Variants in SPATA6 observed in about 807,000 individuals in gnomAD.
SPATA6 encodes spermatogenesis associated 6.
A neutral mutation model predicts 65.3 loss-of-function variants in SPATA6; 56 were observed. That is an observed-to-expected ratio of 0.86 (90% confidence interval 0.69 to 1.07). SPATA6 has a LOEUF of 1.07. Ranked by LOEUF, SPATA6 falls within the 50% of genes least tolerant of loss-of-function variation. SPATA6 has a pLI of 0.00. For missense variants in SPATA6, 590 were observed against 594.8 expected, an observed-to-expected ratio of 0.99 and a Z score of 0.08; for synonymous variants, 199 against 213.2, an observed-to-expected ratio of 0.93 and a Z score of 0.58.
At chr1:48,327,766 G>A (rs1011599222) in intron 11 of SPATA6, among the ~76,000 whole-genome samples, 3 of 152,064 alleles carry the variant, frequency 2.0e-5, no homozygotes, top group Non-Finnish European at 2.9e-5. Flanking sequence ...ATAAACAATA[G>A]GTGCACTGGA....
intron 4 of SPATA6, 77 bp downstream of exon 4, chr1:48,413,030 TATA>T: frequency 2.4e-6 from 1 of 417,310 alleles, no homozygotes; most frequent in Non-Finnish European, 3.7e-6. Context: ...AATAATATAG[TATA>T]ATCAATATAT....
downstream of SPATA6, among the ~76,000 whole-genome samples, chr1:48,293,154 A>AT (rs2148624545): frequency 6.6e-6 from 1 of 152,286 alleles, no homozygotes; most frequent in South Asian, 2.1e-4. Flanking sequence ...TATCTCAGCT[A>AT]TGCCAGTCTT....
chr1:48,411,759 CA>C (rs1446765939), intron 4 of SPATA6, among the ~76,000 whole-genome samples, 171 bp from the exon 5 acceptor site: 2 of 152,132 alleles, frequency 1.3e-5, no homozygotes, highest in Admixed American at 6.5e-5. Context: ...AAAATATTAA[CA>C]CATTTTCCTT....
intron 9 of SPATA6, among the ~76,000 whole-genome samples, chr1:48,381,797 T>C (rs1404053891): frequency 1.4e-5 from 2 of 147,794 alleles, no homozygotes; most frequent in East Asian, 3.9e-4. Flanking sequence ...GGTCAGCAGA[T>C]AAACAAGTGA....
chr1:48,321,138 A>G (rs1473926169), intron 11 of SPATA6, among the ~76,000 whole-genome samples: 1 of 152,178 alleles, frequency 6.6e-6, no homozygotes, highest in Non-Finnish European at 1.5e-5. Flanking sequence ...GGAAACAACA[A>G]AAATGGCAGA....
intron 1 of SPATA6, among the ~76,000 whole-genome samples, chr1:48,456,218 T>A (rs2148170236): frequency 6.6e-6 from 1 of 152,280 alleles, no homozygotes; most frequent in Non-Finnish European, 1.5e-5. Flanking sequence ...CTGAAAGACC[T>A]CTTGGTTCAA....
chr1:48,270,653 G>C, the SPATA6 span, among the ~76,000 whole-genome samples: 1 of 151,528 alleles, frequency 6.6e-6, no homozygotes, highest in Non-Finnish European at 1.5e-5. Context: ...ACAGATGGCA[G>C]TCCTTAATAA....
intron 3 of SPATA6, among the ~76,000 whole-genome samples, chr1:48,426,025 C>T (rs1299948704): frequency 1.3e-5 from 2 of 152,006 alleles, no homozygotes; most frequent in South Asian, 2.1e-4. Context: ...ACAAGAATCG[C>T]TAATGGATTA....
At chr1:48,291,548 G>A (rs2148623234), downstream of SPATA6, among the ~76,000 whole-genome samples, 1 of 151,866 alleles carries the variant, frequency 6.6e-6, no homozygotes, top group African/African-American at 2.4e-5. Flanking sequence ...CTCCCACACA[G>A]CCCGCAGACG....
the SPATA6 span, among the ~76,000 whole-genome samples, chr1:48,272,545 C>T: frequency 6.6e-6 from 1 of 151,996 alleles, no homozygotes; most frequent in African/African-American, 2.4e-5. Flanking sequence ...AATAGTATTC[C>T]TTTGTGTATA....
chr1:48,356,828 C>A (rs745475738), intron 10 of SPATA6, among the ~76,000 whole-genome samples: 1 of 151,944 alleles, frequency 6.6e-6, no homozygotes, highest in Non-Finnish European at 1.5e-5. Context: ...TATGTTTATA[C>A]AAAATATAAA....
At chr1:48,368,711 A>T (rs1016477453) in intron 9 of SPATA6, among the ~76,000 whole-genome samples, 4 of 152,064 alleles carry the variant, frequency 2.6e-5, no homozygotes, top group African/African-American at 9.7e-5. Context: ...TTTTTTTCAA[A>T]GTTGTTAACT....
At position 48,433,948 on chromosome 1, in the gene SPATA6, G is replaced by C. The variant is rs149059591; in HGVS notation, c.238+17604C>G. Reference sequence around the variant, plus strand: ...TGCTATTTTAGCTCCCTATAGGGAAGAGAAATCAACAGAAACACCCAGTAA... The same window carrying C: ...TGCTATTTTAGCTCCCTATAGGGAACAGAAATCAACAGAAACACCCAGTAA... On this transcript the variant is annotated intron_variant, in intron 3 of 12. Transcript: ENST00000371847. 7.9e-4 allele frequency among the ~76,000 whole-genome samples: 120 copies of C among 152,242 alleles called. 1 individual carries two copies. Among genetic ancestry groups the C allele is most frequent in the Non-Finnish European group, 1.5e-3 (102 of 67,982 alleles).
intron 1 of SPATA6, among the ~76,000 whole-genome samples, chr1:48,457,609 T>C (rs1371595035): frequency 6.6e-6 from 1 of 152,168 alleles, no homozygotes; most frequent in Admixed American, 6.5e-5. Context: ...CTCAAAGTGC[T>C]AACAGAAGAA....
chr1:48,284,388 C>G, the SPATA6 span, among the ~76,000 whole-genome samples: 11 of 152,132 alleles, frequency 7.2e-5, no homozygotes, highest in Middle Eastern at 3.4e-3. Context: ...TCCTTTAGTT[C>G]GAAGGAGTTT....
chr1:48,355,906 T>C, intron 10 of SPATA6, 137 bp from the exon 11 acceptor site: 1 of 552,048 alleles, frequency 1.8e-6, no homozygotes, highest in Non-Finnish European at 3.2e-6. Context: ...CATACCTATA[T>C]ATCTGACCAT....
At chr1:48,465,590 GA>G (rs1657751364) in intron 1 of SPATA6, among the ~76,000 whole-genome samples, 2 of 152,030 alleles carry the variant, frequency 1.3e-5, no homozygotes, top group Admixed American at 1.3e-4. Context: ...AAAAAATACA[GA>G]AATACTTTAT....
chr1:48,450,892 C>T (rs1331373124), intron 3 of SPATA6, among the ~76,000 whole-genome samples: 1 of 152,164 alleles, frequency 6.6e-6, no homozygotes, highest in Non-Finnish European at 1.5e-5. Flanking sequence ...CACATTTATA[C>T]ATTAGATCAA....
intron 4 of SPATA6, 104 bp from the exon 5 acceptor site, chr1:48,411,692 C>T: frequency 4.0e-6 from 4 of 997,686 alleles, no homozygotes; most frequent in Non-Finnish European, 5.3e-6. Context: ...TATTGAAATA[C>T]CTGTTTTGGG....
Sources: gnomAD v4.1 joint callset for allele counts (sites outside exome capture counted in the v4.1 genomes callset) on GRCh38, gnomAD v4.1.1 for gene constraint, MANE v1.5 for transcripts, NCBI Gene and HGNC (gene_info 2026-07-23, HGNC 2026-07-21) for gene names.